TRIM33: variants seen among roughly 807,000 people sequenced by gnomAD.
TRIM33 encodes the protein tripartite motif containing 33.
In TRIM33, 20 loss-of-function variants were observed where a neutral mutation model predicts 125.4. The ratio of observed to expected loss-of-function variants is 0.16; its 90% CI spans 0.11 to 0.23. The LOEUF (loss-of-function observed/expected upper bound fraction) is 0.23. Ranked by LOEUF, TRIM33 falls within the 10% of genes least tolerant of loss-of-function variation. The probability of loss-of-function intolerance (pLI) is 1.00; values close to 1 mark genes in which losing one functional copy is unlikely to be tolerated. For synonymous variants in TRIM33, 564 were observed against 513.9 expected (o/e 1.10, Z -1.32); for missense variants, 920 against 1,411.4 (o/e 0.65, Z 5.58).
chr1:114,438,125 C>G (rs938851704), intron 4 of TRIM33, among the ~76,000 whole-genome samples: 1 of 152,128 alleles, frequency 6.6e-6, no homozygotes, highest in East Asian at 1.9e-4. Flanking sequence ...CTTCAAACTT[C>G]TGAATGTACA....
chr1:114,429,227 G>A (rs1377324361), intron 6 of TRIM33, among the ~76,000 whole-genome samples: 3 of 147,996 alleles, frequency 2.0e-5, no homozygotes, highest in African/African-American at 2.5e-5. Flanking sequence ...TCGCTCTGTC[G>A]CCCAGGCTGG....
chr1:114,501,482 A>G (rs1162648044), intron 1 of TRIM33, among the ~76,000 whole-genome samples: 2 of 152,234 alleles, frequency 1.3e-5, no homozygotes, highest in East Asian at 3.8e-4. Flanking sequence ...GGATTCAAAG[A>G]GCAAGGAAAA....
chr1:114,425,141 C>T (rs902977649), intron 9 of TRIM33, among the ~76,000 whole-genome samples: 1 of 152,180 alleles, frequency 6.6e-6, no homozygotes, highest in Admixed American at 6.5e-5. Context: ...TAGGCAGAAA[C>T]AGTCTGGTCC....
intron 1 of TRIM33, among the ~76,000 whole-genome samples, chr1:114,482,676 T>C (rs1490745682): frequency 2.0e-5 from 3 of 151,944 alleles, no homozygotes; most frequent in Admixed American, 1.3e-4. Context: ...CGGTGGGAGG[T>C]GATTGGATCA....
At position 114,409,251 on chromosome 1, in the gene TRIM33, G is replaced by A. The variant is rs539509115; in HGVS notation, c.2195-511C>T. ...AAAAATACATTCAATAACACTTCTAGACTGTTAACCTGTTTGGAGTTGCTT... is the reference window on the plus strand; with the variant it reads ...AAAAATACATTCAATAACACTTCTAAACTGTTAACCTGTTTGGAGTTGCTT... On this transcript the variant is annotated intron_variant, in intron 12 of 19. Transcript: ENST00000358465. 3.9e-5 allele frequency among the ~76,000 whole-genome samples: 6 copies of A among 152,240 alleles called. No individual in the cohort carries two copies. The South Asian group carries it at 1.2e-3, about 32-fold the overall frequency.
chr1:114,456,867 T>C (rs1365776101), intron 4 of TRIM33, among the ~76,000 whole-genome samples: 1 of 152,190 alleles, frequency 6.6e-6, no homozygotes, highest in East Asian at 1.9e-4. Flanking sequence ...AAAGCAGTGA[T>C]GACATGTGAC....
intron 1 of TRIM33, among the ~76,000 whole-genome samples, chr1:114,507,617 T>C (rs1487017489): frequency 6.6e-6 from 1 of 152,186 alleles, no homozygotes; most frequent in Non-Finnish European, 1.5e-5. Context: ...GAGATATAAG[T>C]AAACGACTAT....
intron 6 of TRIM33, among the ~76,000 whole-genome samples, chr1:114,428,399 C>CACAG (rs1023561403): frequency 8.5e-5 from 13 of 152,264 alleles, no homozygotes; most frequent in Non-Finnish European, 1.3e-4. Flanking sequence ...CTTTTGATAT[C>CACAG]ACAGAAGTTC....
intron 1 of TRIM33, among the ~76,000 whole-genome samples, chr1:114,473,014 T>C (rs887808339): frequency 3.9e-5 from 6 of 152,180 alleles, no homozygotes; most frequent in South Asian, 2.1e-4. Flanking sequence ...TGTTCTTTTT[T>C]TGGAGGCCGA....
chr1:114,438,025 G>C (rs1464384451), intron 4 of TRIM33, among the ~76,000 whole-genome samples: 1 of 152,146 alleles, frequency 6.6e-6, no homozygotes, highest in Non-Finnish European at 1.5e-5. Context: ...AGGACCACTT[G>C]AGCCCAGGTC....
chr1:114,456,528 A>C (rs1649638577), intron 4 of TRIM33, among the ~76,000 whole-genome samples: 1 of 152,114 alleles, frequency 6.6e-6, no homozygotes, highest in Non-Finnish European at 1.5e-5. Context: ...AAAACATATA[A>C]AATATATAGC....
At chr1:114,435,540 T>C (rs764389102) in intron 4 of TRIM33, among the ~76,000 whole-genome samples, 2 of 152,154 alleles carry the variant, frequency 1.3e-5, no homozygotes, top group Admixed American at 6.5e-5. Flanking sequence ...GGAAAGACTA[T>C]GAAATTGTTA....
At chr1:114,425,398 G>A (rs1647498110) in intron 9 of TRIM33, 51 bp downstream of exon 9, 5 of 1,588,270 alleles carry the variant, frequency 3.1e-6, no homozygotes, top group South Asian at 1.2e-5. Context: ...AAAAAGTGTA[G>A]TGTTGAGGGC....
At chr1:114,452,729 A>T (rs911581390) in intron 4 of TRIM33, among the ~76,000 whole-genome samples, 1 of 35,148 alleles carries the variant, frequency 2.8e-5, no homozygotes, top group African/African-American at 1.8e-4. Flanking sequence ...CCATCTCTTA[A>T]AAAAAAAAAA....
intron 11 of TRIM33, among the ~76,000 whole-genome samples, chr1:114,420,044 C>A (rs778805700): frequency 5.3e-5 from 8 of 152,128 alleles, no homozygotes; most frequent in Non-Finnish European, 8.8e-5. Flanking sequence ...CCTATGGTGA[C>A]CCCGGACTCC....
At position 114,511,163 on chromosome 1, in the gene TRIM33, G is replaced by C; in HGVS notation, c.-87C>G. The C allele has an allele frequency of 1.9e-6, 2 of 1,041,462 alleles. No individual in the cohort carries two copies. The highest frequency in any genetic ancestry group is 2.3e-6 in the Non-Finnish European group (2 of 864,700). The allele number at this position is 1,041,462 out of a possible 1,614,324, so 64.5% of individuals were successfully genotyped here. ...GCCGCCCCCAGCCCCAGCCGCAGCC[G>C]CAGCAAGAGCGGCAGCCGAGAGCTA... is the stretch of plus-strand genomic sequence containing the variant. On this transcript the variant is annotated 5_prime_UTR_variant, in exon 1 of 20. Transcript: ENST00000358465.
chr1:114,451,325 A>G (rs1475063752), intron 4 of TRIM33, among the ~76,000 whole-genome samples: 2 of 150,490 alleles, frequency 1.3e-5, no homozygotes, highest in African/African-American at 2.5e-5. Flanking sequence ...ATTCAATCCC[A>G]TTAGGTCAAA....
intron 1 of TRIM33, among the ~76,000 whole-genome samples, chr1:114,504,149 TTTTTTTTA>T (rs761082291): frequency 1.3e-5 from 2 of 151,438 alleles, no homozygotes; most frequent in African/African-American, 2.4e-5. Flanking sequence ...CCATTATCCT[TTTTTTTTA>T]TTTTTTTATT....
chr1:114,474,578 TAAAAAAAAAA>T (rs34473575), intron 1 of TRIM33, among the ~76,000 whole-genome samples: 1 of 78,980 alleles, frequency 1.3e-5, no homozygotes, highest in Non-Finnish European at 2.3e-5. Context: ...TGTCTCTATT[TAAAAAAAAAA>T]AAAAAAAAAA....
Sources: gnomAD v4.1 joint callset for allele counts (sites outside exome capture counted in the v4.1 genomes callset) on GRCh38, gnomAD v4.1.1 for gene constraint, MANE v1.5 for transcripts, NCBI Gene and HGNC (gene_info 2026-07-23, HGNC 2026-07-21) for gene names.